KLRF1: variants seen among roughly 807,000 people sequenced by gnomAD.
KLRF1 encodes killer cell lectin like receptor F1.
A neutral mutation model predicts 30.7 loss-of-function variants in KLRF1; 27 were observed. That is an observed-to-expected ratio of 0.88 (90% confidence interval 0.65 to 1.21). KLRF1 has a LOEUF of 1.21. KLRF1 is among the 50% of genes most tolerant of loss of function. The pLI, the probability that KLRF1 is intolerant of heterozygous loss-of-function variation, is 0.00. For synonymous variants in KLRF1, 92 were observed against 89.3 expected, an observed-to-expected ratio of 1.03 and a Z score of -0.17; for missense variants, 246 against 259.3, an observed-to-expected ratio of 0.95 and a Z score of 0.35.
chr12:9,833,063 A>G (rs1231801444), intron 2 of KLRF1, among the ~76,000 whole-genome samples: 2 of 152,162 alleles, frequency 1.3e-5, no homozygotes, highest in Non-Finnish European at 2.9e-5. Flanking sequence ...TTATTGTATT[A>G]CCAGTTCGTA....
chr12:9,844,472 C>A lies in KLRF1; in HGVS notation c.642C>A (p.Ser214Arg), dbSNP rs1444156652. Residue 214 changes from serine to arginine, a missense_variant, in exon 6 of 6, where the codon AGC becomes AGA. Coordinates refer to ENST00000617889, the MANE Select transcript of KLRF1 (RefSeq NM_016523.3). Reference protein sequence around the residue: ...KENSCAAIKESKIFSETCSSV... With the variant: ...KENSCAAIKERKIFSETCSSV... ...ACAGCTGTGCTGCCATTAAGGAAAGCAAAATTTTCTCTGAAACCTGCAGCA... is the reference window on the plus strand; with the variant it reads ...ACAGCTGTGCTGCCATTAAGGAAAGAAAAATTTTCTCTGAAACCTGCAGCA... The A allele has an allele frequency of 6.2e-7, 1 of 1,611,108 alleles. No homozygotes were observed. The highest frequency in any genetic ancestry group is 1.1e-5 in the South Asian group (1 of 90,960).
upstream of KLRF1, among the ~76,000 whole-genome samples, chr12:9,823,232 AAAAAC>A (rs763889179): frequency 0.011 from 1,635 of 151,274 alleles, 31 homozygotes; most frequent in African/African-American, 0.037. Context: ...TGCAAAAAAA[AAAAAC>A]AAAAACTCAA....
At chr12:9,800,275 A>T in the KLRF1 span, among the ~76,000 whole-genome samples, 1 of 152,186 alleles carries the variant, frequency 6.6e-6, no homozygotes, top group Admixed American at 6.5e-5. Flanking sequence ...TTGGATTTTG[A>T]CATTTCTAAT....
At chr12:9,805,151 T>G in the KLRF1 span, among the ~76,000 whole-genome samples, 3 of 151,998 alleles carry the variant, frequency 2.0e-5, no homozygotes, top group Non-Finnish European at 2.9e-5. Flanking sequence ...AAATTGTGAT[T>G]ATCTATTCCT....
intron 1 of KLRF1, among the ~76,000 whole-genome samples, chr12:9,828,911 A>G (rs1445872329): frequency 6.6e-6 from 1 of 152,188 alleles, no homozygotes; most frequent in Non-Finnish European, 1.5e-5. Flanking sequence ...GTCTCTCTGA[A>G]GCAAAAATGT....
In KLRF1 at chr12:9,827,631, T is replaced by A; in HGVS notation, c.85+2T>A. On this transcript the variant is annotated splice_donor_variant, in intron 1 of 5. Coordinates refer to ENST00000617889, the MANE Select transcript of KLRF1 (RefSeq NM_016523.3). LOFTEE classifies it high-confidence loss of function. ...AAACATCTCAACTTACATTTAAAGG[T>A]ATGGAATTTAATTTCATTTTTTCAA... 6.3e-7 allele frequency: 1 copy of A among 1,576,970 alleles called. No homozygotes were observed. The highest frequency in any genetic ancestry group is 2.2e-5 in the East Asian group (1 of 44,544).
At chr12:9,807,527 A>C in the KLRF1 span, among the ~76,000 whole-genome samples, 2 of 152,160 alleles carry the variant, frequency 1.3e-5, no homozygotes, top group Admixed American at 1.3e-4. Context: ...ACTCAACATT[A>C]CAATTGTTTG....
At chr12:9,814,357 C>T in the KLRF1 span, among the ~76,000 whole-genome samples, 1 of 152,222 alleles carries the variant, frequency 6.6e-6, no homozygotes, top group Non-Finnish European at 1.5e-5. Context: ...TGCCACCACC[C>T]AAGCACGCCG....
At chr12:9,811,053 G>A in the KLRF1 span, among the ~76,000 whole-genome samples, 10 of 151,928 alleles carry the variant, frequency 6.6e-5, no homozygotes, top group African/African-American at 4.8e-5. Context: ...CCTGTGGGCC[G>A]GATGAAGATC....
At chr12:9,843,655 G>A (rs12367372) in intron 5 of KLRF1, among the ~76,000 whole-genome samples, 1 of 151,968 alleles carries the variant, frequency 6.6e-6, no homozygotes, top group Non-Finnish European at 1.5e-5. Context: ...ATCACTACCC[G>A]TTAGGGTTGA....
chr12:9,813,570 A>G, the KLRF1 span, among the ~76,000 whole-genome samples: 135 of 152,090 alleles, frequency 8.9e-4, no homozygotes, highest in African/African-American at 3.1e-3. Context: ...CCCCCGAGAG[A>G]GGCTTCAGGA....
chr12:9,833,083 G>A (rs1335950122), intron 2 of KLRF1, among the ~76,000 whole-genome samples: 3 of 152,092 alleles, frequency 2.0e-5, no homozygotes, highest in African/African-American at 7.2e-5. Flanking sequence ...AGGAATGCCT[G>A]GCATAGAATA....
At chr12:9,804,104 T>C in the KLRF1 span, among the ~76,000 whole-genome samples, 1 of 152,080 alleles carries the variant, frequency 6.6e-6, no homozygotes, top group Non-Finnish European at 1.5e-5. Context: ...TGTTATTGTC[T>C]GTCTTTTTTA....
upstream of KLRF1, among the ~76,000 whole-genome samples, chr12:9,826,289 G>A (rs1015525282): frequency 6.6e-6 from 1 of 151,832 alleles, no homozygotes; most frequent in African/African-American, 2.4e-5. Flanking sequence ...TCCTCCAGTA[G>A]GCACTAATCA....
chr12:9,826,791 G>T (rs1212306997), upstream of KLRF1, among the ~76,000 whole-genome samples: 1 of 152,140 alleles, frequency 6.6e-6, no homozygotes, highest in Non-Finnish European at 1.5e-5. Context: ...AATACCACAT[G>T]TTCTCACTAA....
chr12:9,806,218 A>T, the KLRF1 span, among the ~76,000 whole-genome samples: 1 of 151,822 alleles, frequency 6.6e-6, no homozygotes, highest in African/African-American at 2.4e-5. Flanking sequence ...TATAATTTTT[A>T]TATGTTTGCT....
At chr12:9,840,945 C>T (rs1368922093) in intron 3 of KLRF1, among the ~76,000 whole-genome samples, 1 of 152,158 alleles carries the variant, frequency 6.6e-6, no homozygotes, top group African/African-American at 2.4e-5. Flanking sequence ...AATCCCATTA[C>T]TGGGTATATA....
At chr12:9,817,087 T>C in the KLRF1 span, among the ~76,000 whole-genome samples, 6 of 152,170 alleles carry the variant, frequency 3.9e-5, no homozygotes, top group Non-Finnish European at 8.8e-5. Flanking sequence ...TGAGCTGAAG[T>C]AAGACCCAAG....
At chr12:9,805,705 A>G in the KLRF1 span, among the ~76,000 whole-genome samples, 1 of 151,832 alleles carries the variant, frequency 6.6e-6, no homozygotes, top group African/African-American at 2.4e-5. Flanking sequence ...TTACTTTTAT[A>G]TTTCTATGTG....
Sources: gnomAD v4.1 joint callset for allele counts (sites outside exome capture counted in the v4.1 genomes callset) on GRCh38, gnomAD v4.1.1 for gene constraint, MANE v1.5 for transcripts, NCBI Gene and HGNC (gene_info 2026-07-23, HGNC 2026-07-21) for gene names.